Variants in CCDC88C observed in about 807,000 individuals in gnomAD.
CCDC88C encodes the protein coiled-coil and HOOK domain protein 88C.
A neutral mutation model predicts 198.8 loss-of-function variants in CCDC88C; 131 were observed. The ratio of observed to expected loss-of-function variants is 0.66; its 90% CI spans 0.57 to 0.76. The LOEUF is 0.76. Ranked by LOEUF, CCDC88C falls within the 30% of genes least tolerant of loss-of-function variation. The probability of loss-of-function intolerance (pLI) is 0.00; values close to 1 mark genes in which losing one functional copy is unlikely to be tolerated. For missense variants in CCDC88C, 2,553 were observed against 2,631.6 expected, an observed-to-expected ratio of 0.97 and a Z score of 0.65; for synonymous variants, 1,166 against 1,114.7, an observed-to-expected ratio of 1.05 and a Z score of -0.92.
chr14:91,412,440 CTT>C (rs11314102), intron 2 of CCDC88C, among the ~76,000 whole-genome samples: 138 of 138,486 alleles, frequency 1.0e-3, no homozygotes, highest in Admixed American at 1.3e-3. Flanking sequence ...GTATTTTTTT[CTT>C]TTTTTTTTTT....
At chr14:91,285,891 TAAATG>T (rs1445678941) in intron 25 of CCDC88C, 2 of 1,010,046 alleles carry the variant, frequency 2.0e-6, no homozygotes, top group East Asian at 6.0e-5. Flanking sequence ...AAAACACAAA[TAAATG>T]AAATGAACAA....
At chr14:91,377,312 C>G (rs142388090) in intron 3 of CCDC88C, among the ~76,000 whole-genome samples, 7 of 152,348 alleles carry the variant, frequency 4.6e-5, no homozygotes, top group African/African-American at 1.7e-4. Flanking sequence ...AGCCTGAGGC[C>G]TGCTGTGAAG....
chr14:91,350,333 G>GT (rs1039338025), intron 4 of CCDC88C, among the ~76,000 whole-genome samples: 39 of 151,972 alleles, frequency 2.6e-4, no homozygotes, highest in African/African-American at 9.4e-4. Context: ...GCTAATTTTT[G>GT]TATTTTTTAG....
intron 3 of CCDC88C, among the ~76,000 whole-genome samples, chr14:91,385,814 A>G (rs1885098498): frequency 6.6e-6 from 1 of 151,950 alleles, no homozygotes; most frequent in Non-Finnish European, 1.5e-5. Context: ...AAAAAAAATA[A>G]TTAATTAAAA....
At chr14:91,405,666 G>T (rs1362589053) in intron 3 of CCDC88C, among the ~76,000 whole-genome samples, 1 of 152,156 alleles carries the variant, frequency 6.6e-6, no homozygotes, top group Non-Finnish European at 1.5e-5. Context: ...ATTGTCTCTG[G>T]GTGCTGGGCT....
At position 91,308,713 on chromosome 14, in the gene CCDC88C, G is replaced by A. The variant is rs146075563; in HGVS notation, c.2865-221C>T. On this transcript the variant is annotated intron_variant, in intron 16 of 29. Transcript: ENST00000389857. ...GTGAAACCTTCAAAGGCGACACCAC[G>A]GCTACAGTTTTACAGTCACTGTCTG... Among the ~76,000 whole-genome samples, 490 of 152,168 alleles carry A rather than the reference G, an allele frequency of 3.2e-3. 4 individuals carry two copies. Among genetic ancestry groups the A allele is most frequent in the African/African-American group, 0.012 (480 of 41,506 alleles).
At chr14:91,327,318 A>G (rs1245795579) in intron 10 of CCDC88C, among the ~76,000 whole-genome samples, 3 of 152,222 alleles carry the variant, frequency 2.0e-5, no homozygotes, top group Non-Finnish European at 1.5e-5. Flanking sequence ...CGGCCAGCGG[A>G]CACAGCTTTG....
chr14:91,314,197 A>G (rs1049504959), intron 14 of CCDC88C, 47 bp from the exon 15 acceptor site: 39 of 1,470,790 alleles, frequency 2.7e-5, no homozygotes, highest in Non-Finnish European at 3.6e-5. Context: ...GCAGGAACCT[A>G]TTTCAGTGAC....
At chr14:91,390,704 T>C (rs559608918) in intron 3 of CCDC88C, among the ~76,000 whole-genome samples, 2 of 152,210 alleles carry the variant, frequency 1.3e-5, no homozygotes, top group South Asian at 2.1e-4. Flanking sequence ...GGTCCCATCC[T>C]ATTACAGGAT....
chr14:91,415,483 G>T (rs1292334619), intron 2 of CCDC88C, among the ~76,000 whole-genome samples: 2 of 152,180 alleles, frequency 1.3e-5, no homozygotes, highest in Non-Finnish European at 2.9e-5. Flanking sequence ...CCAGCACTTT[G>T]GGAGGCCAAG....
intron 3 of CCDC88C, among the ~76,000 whole-genome samples, chr14:91,362,896 T>G (rs1000787488): frequency 8.0e-5 from 12 of 149,822 alleles, no homozygotes; most frequent in African/African-American, 3.0e-4. Context: ...GCCACTGCAC[T>G]CAAGCCTGGG....
Position 91,296,307 on chromosome 14 carries a change from G to T in CCDC88C, c.3966+998C>A, listed in dbSNP as rs115328723. ...CCAAAAAGTACCCCTGTCCATTTCT[G>T]TGCAAATCAGTCCTTCCCATGCAAA... On this transcript the variant is annotated intron_variant, in intron 22 of 29. Transcript: ENST00000389857. Among the ~76,000 whole-genome samples, 598 of 152,334 alleles carry T rather than the reference G, an allele frequency of 3.9e-3. 4 individuals carry two copies. Among genetic ancestry groups the T allele is most frequent in the African/African-American group, 0.011 (463 of 41,574 alleles).
chr14:91,390,852 G>C (rs906238543), intron 3 of CCDC88C, among the ~76,000 whole-genome samples: 1 of 152,168 alleles, frequency 6.6e-6, no homozygotes, highest in Non-Finnish European at 1.5e-5. Context: ...CAGAGGACAG[G>C]GGTCTCCAGA....
intron 10 of CCDC88C, among the ~76,000 whole-genome samples, chr14:91,327,077 G>A (rs1275925316): frequency 1.3e-5 from 2 of 152,140 alleles, no homozygotes; most frequent in African/African-American, 4.8e-5. Flanking sequence ...TCCAAGCACC[G>A]CTCGGTATCT....
intron 10 of CCDC88C, among the ~76,000 whole-genome samples, chr14:91,334,321 A>C (rs1892958439): frequency 6.6e-6 from 1 of 152,126 alleles, no homozygotes; most frequent in African/African-American, 2.4e-5. Context: ...GGCTCACCAC[A>C]ACCTCAGCCT....
Position 91,381,749 on chromosome 14 carries a change from G to A in CCDC88C, c.271-22038C>T, listed in dbSNP as rs189850718. ...CTTGGGAGGCTGAGGCAGGAGAATC[G>A]CTTGAACCCAGGAGGCAGAGGTTGC... On this transcript the variant is annotated intron_variant, in intron 3 of 29. Transcript: ENST00000389857. The surrounding 1 kb of genome is among the most constrained non-coding windows in gnomAD (Gnocchi z 4.2). 3.9e-5 allele frequency among the ~76,000 whole-genome samples: 6 copies of A among 152,244 alleles called. No homozygotes were observed. Among genetic ancestry groups the A allele is most frequent in the African/African-American group, 7.2e-5 (3 of 41,544 alleles).
chr14:91,335,651 G>C (rs1015809689), intron 10 of CCDC88C, among the ~76,000 whole-genome samples: 4 of 152,176 alleles, frequency 2.6e-5, no homozygotes, highest in Non-Finnish European at 5.9e-5. Context: ...GCTAAGCCCT[G>C]TGGGTCCAGC....
rs754956685 is a variant in CCDC88C at position 91,289,385 on chromosome 14, C to G, written c.4203-42G>C. On this transcript the variant is annotated intron_variant, in intron 24 of 29. Coordinates refer to ENST00000389857, the MANE Select transcript of CCDC88C (RefSeq NM_001080414.4). ...GTTTAGGACATAGCCAGCCCTCCCA[C>G]ACACCCCCAGTGGGTCCCTGGTTCC... 5 of 1,565,792 alleles carry G rather than the reference C, an allele frequency of 3.2e-6. No individual in the cohort carries two copies. The Admixed American group carries it at 8.3e-5, about 26-fold the overall frequency.
At chr14:91,285,857 T>C (rs1313556439) in intron 25 of CCDC88C, 1 of 1,253,802 alleles carries the variant, frequency 8.0e-7, no homozygotes, top group Non-Finnish European at 1.0e-6. Context: ...ATCAATCGGA[T>C]AACCCAAAGG....
Sources: allele counts gnomAD v4.1 joint callset (sites outside exome capture counted in the v4.1 genomes callset), GRCh38; gene constraint gnomAD v4.1.1; non-coding constraint Gnocchi (gnomAD v3.1); transcripts MANE v1.5; gene names NCBI Gene and HGNC (gene_info 2026-07-23, HGNC 2026-07-21).